Variants in PCDHA10 observed in about 807,000 individuals in gnomAD.
PCDHA10 encodes protocadherin alpha-10.
Under a neutral mutation model 61.2 loss-of-function variants are expected in PCDHA10, and 45 were observed. The ratio of observed to expected loss-of-function variants is 0.74; its 90% CI spans 0.58 to 0.94. The LOEUF (loss-of-function observed/expected upper bound fraction) is 0.94, where lower values mean the gene tolerates loss of function less well. PCDHA10 is among the 40% of genes least tolerant of loss of function. PCDHA10 has a pLI of 0.00. For synonymous variants in PCDHA10, 602 were observed against 548.8 expected, an observed-to-expected ratio of 1.10 and a Z score of -1.35; for missense variants, 1,278 against 1,236.2, an observed-to-expected ratio of 1.03 and a Z score of -0.51.
At chr5:140,871,427 T>G (rs782140666) in intron 1 of PCDHA10, 3 of 1,613,326 alleles carry the variant, frequency 1.9e-6, no homozygotes, top group Non-Finnish European at 2.5e-6. Context: ...AGCCCCAGTC[T>G]TCCTCTAGGT....
chr5:140,882,715 A>G (rs143870647), intron 1 of PCDHA10: 102 of 1,614,124 alleles, frequency 6.3e-5, no homozygotes, highest in African/African-American at 1.7e-4. Context: ...GACCTCCGGA[A>G]ACTCGATTTC....
intron 1 of PCDHA10, chr5:140,968,462 A>G: frequency 6.2e-7 from 1 of 1,614,104 alleles, no homozygotes; most frequent in African/African-American, 1.3e-5. Flanking sequence ...TGTGACTGCC[A>G]ACGTATATGT....
intron 1 of PCDHA10, among the ~76,000 whole-genome samples, chr5:140,942,544 G>T (rs546340510): frequency 1.6e-4 from 24 of 152,000 alleles, no homozygotes; most frequent in Non-Finnish European, 2.9e-4. Context: ...TATGGTGGGG[G>T]GTAGGGGGTT....
chr5:140,879,019 T>C (rs1554170641), intron 1 of PCDHA10, among the ~76,000 whole-genome samples: 2 of 152,216 alleles, frequency 1.3e-5, no homozygotes, highest in African/African-American at 4.8e-5. Flanking sequence ...AGATAATGTT[T>C]TATTGAAGAG....
chr5:140,871,719 T>G (rs1228976923), intron 1 of PCDHA10: 1 of 783,446 alleles, frequency 1.3e-6, no homozygotes, highest in East Asian at 2.9e-5. Flanking sequence ...CCTATTTCTC[T>G]TAATATTTGG....
At chr5:140,938,538 AT>A (rs1278860544) in intron 1 of PCDHA10, among the ~76,000 whole-genome samples, 1 of 135,490 alleles carries the variant, frequency 7.4e-6, no homozygotes, top group Non-Finnish European at 1.6e-5. Context: ...GATAATATGG[AT>A]TTTTATCCTT....
intron 1 of PCDHA10, among the ~76,000 whole-genome samples, chr5:140,895,558 A>G (rs1449174455): frequency 6.6e-6 from 1 of 152,154 alleles, no homozygotes; most frequent in Non-Finnish European, 1.5e-5. Context: ...AGTTCTTTAT[A>G]TATTCTAGAT....
At chr5:140,869,258 TG>T in intron 1 of PCDHA10, 1 of 1,613,558 alleles carries the variant, frequency 6.2e-7, no homozygotes, top group Non-Finnish European at 8.5e-7. Context: ...GCGCAGGACC[TG>T]GGGCTGGAGC....
chr5:140,917,837 T>G (rs2078388052), intron 1 of PCDHA10, among the ~76,000 whole-genome samples: 1 of 152,174 alleles, frequency 6.6e-6, no homozygotes, highest in Non-Finnish European at 1.5e-5. Context: ...GATGTCCTTC[T>G]TGTTCTTTTT....
intron 1 of PCDHA10, chr5:140,866,026 C>T (rs1273078600): frequency 7.9e-5 from 12 of 151,914 alleles, no homozygotes; most frequent in Admixed American, 4.6e-4. Context: ...TGTAAGAGTT[C>T]GTGATCATCA....
In PCDHA10 at chr5:140,900,434, C is replaced by T. The variant is rs545919996; in HGVS notation, c.2388+41998C>T. On this transcript the variant is annotated intron_variant, in intron 1 of 3. Transcript: ENST00000307360. Reference sequence around the variant, plus strand: ...CTGGGATTATAGGCACGTGCCACCACGGCCGGCTAATTTTTTATTTTTAGT... The same window carrying T: ...CTGGGATTATAGGCACGTGCCACCATGGCCGGCTAATTTTTTATTTTTAGT... Among the ~76,000 whole-genome samples, 18 of 152,264 alleles carry T rather than the reference C, an allele frequency of 1.2e-4. No individual in the cohort carries two copies. The East Asian group carries it at 2.5e-3, about 21-fold the overall frequency.
chr5:140,922,722 T>C (rs2153565730), intron 1 of PCDHA10, among the ~76,000 whole-genome samples: 1 of 151,972 alleles, frequency 6.6e-6, no homozygotes, highest in Non-Finnish European at 1.5e-5. Context: ...AAAGAAACAC[T>C]TGACAAGGTT....
Position 140,855,945 on chromosome 5 carries a change from C to T in PCDHA10, c.-104C>T, listed in dbSNP as rs187469272. On this transcript the variant is annotated 5_prime_UTR_variant, in exon 1 of 4. Transcript: ENST00000307360. ...AGTAGCGTCATTCTGAGATCTCAGC[C>T]ATTTCGATAAAAAATAGATATAAGA... 8 of 1,336,226 alleles carry T rather than the reference C, an allele frequency of 6.0e-6. No individual in the cohort carries two copies. In the Admixed American group the frequency reaches 1.2e-4, roughly 20 times the overall value. 82.8% of individuals were successfully genotyped at this position (1,336,226 alleles called of 1,614,324 possible). A position where few individuals can be genotyped will look rare whatever the true frequency, so the allele number is the denominator to read the frequency against.
chr5:140,922,784 C>G (rs1399042980), intron 1 of PCDHA10, among the ~76,000 whole-genome samples: 1 of 152,140 alleles, frequency 6.6e-6, no homozygotes, highest in Non-Finnish European at 1.5e-5. Context: ...GGAGAGAAAA[C>G]TGTAGCTTTG....
intron 1 of PCDHA10, among the ~76,000 whole-genome samples, chr5:140,970,092 A>C (rs1554232243): frequency 6.6e-6 from 1 of 151,978 alleles, no homozygotes; most frequent in East Asian, 1.9e-4. Context: ...GTGTGGGGGG[A>C]TGGTGAAGAC....
rs782169362 is a variant in PCDHA10, at chr5:140,979,015, T to G, written c.2447+8T>G. Reference sequence around the variant, plus strand: ...GAGAGCAGGCATGCACAGGTATGTATTTCCCTCCTCATTCACTCAGAAGTA... The same window carrying G: ...GAGAGCAGGCATGCACAGGTATGTAGTTCCCTCCTCATTCACTCAGAAGTA... On this transcript the variant is annotated splice_region_variant and intron_variant, in intron 2 of 3. Transcript: ENST00000307360. 3 of 1,613,920 alleles carry G rather than the reference T, an allele frequency of 1.9e-6. No individual in the cohort carries two copies. The highest frequency in any genetic ancestry group is 2.5e-6 in the Non-Finnish European group (3 of 1,179,908).
At chr5:140,979,159 T>C in intron 2 of PCDHA10, 152 bp downstream of exon 2, 4 of 1,426,630 alleles carry the variant, frequency 2.8e-6, no homozygotes, top group Non-Finnish European at 3.7e-6. Flanking sequence ...CCATGTTTAT[T>C]CCTTGAAAGA....
chr5:140,967,215 G>T (rs782646028), intron 1 of PCDHA10: 1 of 1,613,682 alleles, frequency 6.2e-7, no homozygotes, highest in Non-Finnish European at 8.5e-7. Context: ...CGTTTCCCGC[G>T]GCCCAACTAC....
chr5:140,955,175 A>G (rs1212192227), intron 1 of PCDHA10, among the ~76,000 whole-genome samples: 1 of 152,058 alleles, frequency 6.6e-6, no homozygotes, highest in Non-Finnish European at 1.5e-5. Flanking sequence ...TGGTTACTGT[A>G]GTTTTGTGGT....
Sources: gnomAD v4.1 joint callset for allele counts (sites outside exome capture counted in the v4.1 genomes callset) on GRCh38, gnomAD v4.1.1 for gene constraint, MANE v1.5 for transcripts, NCBI Gene and HGNC (gene_info 2026-07-23, HGNC 2026-07-21) for gene names.